TRPM2: variants seen among roughly 807,000 people sequenced by gnomAD.
TRPM2 encodes the protein estrogen-responsive element-associated gene 1 protein.
TRPM2 carries 161 observed loss-of-function variants against 174.0 expected under a neutral mutation model. The observed-to-expected ratio is 0.93, with a 90% confidence interval of 0.81 to 1.05. TRPM2 has a LOEUF of 1.05. TRPM2 is among the 50% of genes least tolerant of loss of function. TRPM2 has a pLI of 0.00. For missense variants in TRPM2, 2,057 were observed against 2,038.0 expected, an observed-to-expected ratio of 1.01 and a Z score of -0.18; for synonymous variants, 954 against 861.3, an observed-to-expected ratio of 1.11 and a Z score of -1.88.
intron 20 of TRPM2, among the ~76,000 whole-genome samples, 192 bp downstream of exon 20, chr21:44,414,266 G>A (rs564408134): frequency 2.0e-5 from 3 of 152,308 alleles, no homozygotes; most frequent in Non-Finnish European, 4.4e-5. Flanking sequence ...TTGAGCTGGC[G>A]TGAGTCTGTC....
chr21:44,403,696 T>C lies in TRPM2; in HGVS notation c.2539-1446T>C, dbSNP rs190779009. ...ACATGCATACACATACATGCACACA[T>C]ATACACATGCATACACACATATGCA... On this transcript the variant is annotated intron_variant, in intron 16 of 31. Coordinates refer to ENST00000397928, the MANE Select transcript of TRPM2 (RefSeq NM_003307.4). Among the ~76,000 whole-genome samples, 140 of 143,992 alleles carry C rather than the reference T, an allele frequency of 9.7e-4. 1 individual carries two copies. The Middle Eastern group carries it at 0.013, about 13-fold the overall frequency. 94.5% of individuals were successfully genotyped at this position (143,992 alleles called of 152,430 possible).
At chr21:44,392,633 C>T (rs1427390552) in intron 11 of TRPM2, among the ~76,000 whole-genome samples, 1 of 152,036 alleles carries the variant, frequency 6.6e-6, no homozygotes, top group Non-Finnish European at 1.5e-5. Context: ...CTCGTTTAAC[C>T]TTAATTACCT....
chr21:44,400,950 A>G (rs2049597383), intron 15 of TRPM2, among the ~76,000 whole-genome samples: 1 of 152,158 alleles, frequency 6.6e-6, no homozygotes, highest in Non-Finnish European at 1.5e-5. Context: ...CCTGGGAGTC[A>G]GGGCAGATTC....
intron 9 of TRPM2, among the ~76,000 whole-genome samples, chr21:44,384,146 C>T (rs1402292769): frequency 1.3e-5 from 2 of 152,100 alleles, no homozygotes; most frequent in Admixed American, 6.6e-5. Flanking sequence ...ATTCATATTA[C>T]TAAAATTAGA....
At chr21:44,407,476 T>TTA (rs1555897773) in intron 19 of TRPM2, among the ~76,000 whole-genome samples, 1 of 93,180 alleles carries the variant, frequency 1.1e-5, no homozygotes, top group Non-Finnish European at 2.3e-5. Flanking sequence ...TTTTTTTTTT[T>TTA]AACAGCTTCA....
Position 44,438,038 on chromosome 21 carries a change from G to A in TRPM2, c.4167+871G>A, listed in dbSNP as rs2051345769. Among the ~76,000 whole-genome samples, 4 of 152,264 alleles carry A rather than the reference G, an allele frequency of 2.6e-5. No homozygotes were observed. Among genetic ancestry groups the A allele is most frequent in the Admixed American group, 2.6e-4 (4 of 15,292 alleles). ...GCCTGGTGGCTGCCTCTGCTGCTGT[G>A]GGAGTGTGTGTGCCACCACGGTGTG... On this transcript the variant is annotated intron_variant, in intron 29 of 31. Coordinates refer to ENST00000397928, the MANE Select transcript of TRPM2 (RefSeq NM_003307.4). This position sits in a 1 kb window ranked among gnomAD's most constrained non-coding sequence, Gnocchi z 5.9.
At chr21:44,386,537 A>AG (rs1295323579) in intron 9 of TRPM2, among the ~76,000 whole-genome samples, 1 of 152,188 alleles carries the variant, frequency 6.6e-6, no homozygotes, top group Non-Finnish European at 1.5e-5. Context: ...AATTAAACCA[A>AG]GGGGGTGAAA....
In TRPM2 at chr21:44,354,828, A is replaced by C; in HGVS notation, c.254+92A>C. On this transcript the variant is annotated intron_variant, in intron 2 of 31. Transcript: ENST00000397928. This position sits in a 1 kb window ranked among gnomAD's most constrained non-coding sequence, Gnocchi z 4.3. Reference sequence around the variant, plus strand: ...TCAGGCCAAGACCCCTCAGGGCCTCAGTGAAGGGTCACTGGAGATACCTCT... The same window carrying C: ...TCAGGCCAAGACCCCTCAGGGCCTCCGTGAAGGGTCACTGGAGATACCTCT... 8.9e-7 allele frequency: 1 copy of C among 1,123,588 alleles called. No homozygotes were observed. Among genetic ancestry groups the C allele is most frequent in the Non-Finnish European group, 1.4e-6 (1 of 736,062 alleles). The allele number at this position is 1,123,588 out of a possible 1,614,324, so 69.6% of individuals were successfully genotyped here.
chr21:44,398,026 C>T, intron 13 of TRPM2, 150 bp downstream of exon 13: 4 of 1,021,148 alleles, frequency 3.9e-6, no homozygotes, highest in South Asian at 6.2e-5. Flanking sequence ...CTGGGGTCCT[C>T]ATCCCGGAGT....
Position 44,400,386 on chromosome 21 carries a change from C to A in TRPM2, c.2321+15C>A, listed in dbSNP as rs746521584. 2.5e-6 allele frequency: 4 copies of A among 1,602,742 alleles called. No homozygotes were observed. The highest frequency in any genetic ancestry group is 3.4e-6 in the Non-Finnish European group (4 of 1,175,634). On this transcript the variant is annotated intron_variant, in intron 15 of 31. Transcript: ENST00000397928. ...ATCTCCTTCAGGTGCTGCAGGGCTG[C>A]GGGGCTGCGGGACTGTGGGGCTGCG...
At chr21:44,395,656 C>CGTGGAGGCTGTGGAGGGGTGTGGAGGGGT (rs1569058179) in intron 12 of TRPM2, 105 bp downstream of exon 12, 2 of 1,506,178 alleles carry the variant, frequency 1.3e-6, no homozygotes, top group South Asian at 2.4e-5. Context: ...GCCAAGTGCA[C>CGTGGAGGCTGTGGAGGGGTGTGGAGGGGT]GTGGAGGCTG....
upstream of TRPM2, among the ~76,000 whole-genome samples, chr21:44,350,985 G>A (rs1418446032): frequency 6.6e-6 from 1 of 152,170 alleles, no homozygotes; most frequent in African/African-American, 2.4e-5. Flanking sequence ...TGGCTTTCAC[G>A]CGGGGATTTC....
intron 19 of TRPM2, among the ~76,000 whole-genome samples, chr21:44,407,733 G>T (rs79768289): frequency 1.9e-3 from 283 of 151,586 alleles, no homozygotes; most frequent in African/African-American, 6.5e-3. Context: ...TTGATGTCCC[G>T]TTTTCAAGGT....
In TRPM2 at chr21:44,366,825, C is replaced by A; in HGVS notation, c.495C>A (p.Asp165Glu). The change falls in exon 4 of 32, where the codon GAC (aspartate) becomes GAA (glutamate). Residue 165 changes from aspartate (D) to glutamate (E), a missense_variant. Coordinates refer to ENST00000397928, the MANE Select transcript of TRPM2 (RefSeq NM_003307.4). The surrounding 1 kb of genome is among the most constrained non-coding windows in gnomAD (Gnocchi z 6.0). ...YHLMTQHWGL[D>E]VPNLLISVTG... ...TCATGACCCAGCACTGGGGGCTGGACGTCCCCAATCTCTTGATCTCGGTGA... is the reference window on the plus strand; with the variant it reads ...TCATGACCCAGCACTGGGGGCTGGAAGTCCCCAATCTCTTGATCTCGGTGA... The A allele has an allele frequency of 6.2e-7, 1 of 1,613,930 alleles. No individual in the cohort carries two copies. The highest frequency in any genetic ancestry group is 8.5e-7 in the Non-Finnish European group (1 of 1,179,976).
At chr21:44,352,633 A>G (rs1006201088), upstream of TRPM2, among the ~76,000 whole-genome samples, 1 of 152,180 alleles carries the variant, frequency 6.6e-6, no homozygotes, top group Non-Finnish European at 1.5e-5. Flanking sequence ...GGGGATGACC[A>G]TGGATGACCT....
At chr21:44,358,800 T>A (rs2048127246) in intron 2 of TRPM2, among the ~76,000 whole-genome samples, 1 of 152,088 alleles carries the variant, frequency 6.6e-6, no homozygotes, top group African/African-American at 2.4e-5. Context: ...GTTGGTTCCT[T>A]CCCGGGGGTC....
intron 25 of TRPM2, 124 bp downstream of exon 25, chr21:44,425,951 G>C: frequency 7.9e-7 from 1 of 1,261,548 alleles, no homozygotes; most frequent in Non-Finnish European, 1.0e-6. Flanking sequence ...AGGGGGATCT[G>C]TGCGTCTGGC....
chr21:44,363,117 G>C (rs1488470272), intron 2 of TRPM2, among the ~76,000 whole-genome samples: 1 of 152,210 alleles, frequency 6.6e-6, no homozygotes, highest in Non-Finnish European at 1.5e-5. Context: ...AAGTTTAACT[G>C]TTGTGTGTCT....
intron 28 of TRPM2, among the ~76,000 whole-genome samples, chr21:44,436,517 C>T (rs2051273608): frequency 7.7e-6 from 1 of 129,182 alleles, no homozygotes; most frequent in Non-Finnish European, 1.7e-5. Context: ...CACCCCCGGG[C>T]TGCACTCTGC....
Sources: gnomAD v4.1 joint callset for allele counts (sites outside exome capture counted in the v4.1 genomes callset) on GRCh38, gnomAD v4.1.1 for gene constraint, Gnocchi (gnomAD v3.1) non-coding constraint, MANE v1.5 for transcripts, NCBI Gene and HGNC (gene_info 2026-07-23, HGNC 2026-07-21) for gene names.